The following DARS1 variants were observed in gnomAD, a reference collection of about 807,000 sequenced individuals.
The protein encoded by DARS1 is aspartate--tRNA ligase, cytoplasmic.
A neutral mutation model predicts 68.8 loss-of-function variants in DARS1; 51 were observed. The ratio of observed to expected loss-of-function variants is 0.74; its 90% confidence interval spans 0.59 to 0.94. The LOEUF (loss-of-function observed/expected upper bound fraction) is 0.94, where lower values mean the gene tolerates loss of function less well. Among genes scored for constraint, DARS1 ranks in the 40% least tolerant of loss-of-function variants. The pLI, the probability that DARS1 is intolerant of heterozygous loss-of-function variation, is 0.00. For synonymous variants in DARS1, 203 were observed against 190.4 expected (o/e 1.07, Z -0.55); for missense variants, 607 against 597.3 (o/e 1.02, Z -0.17).
At chr2:135,961,714 A>G (rs1682105916) in intron 3 of DARS1, among the ~76,000 whole-genome samples, 1 of 152,248 alleles carries the variant, frequency 6.6e-6, no homozygotes, top group African/African-American at 2.4e-5. Context: ...ATGAGTAACA[A>G]GAAATGCTTT....
chr2:135,933,028 G>T (rs550117727), intron 6 of DARS1, among the ~76,000 whole-genome samples, 186 bp from the exon 7 acceptor site: 1 of 152,270 alleles, frequency 6.6e-6, no homozygotes, highest in South Asian at 2.1e-4. Context: ...CGTTAAAAGA[G>T]AGATGGAAAG....
intron 11 of DARS1, among the ~76,000 whole-genome samples, chr2:135,915,608 A>G (rs1680989124): frequency 6.6e-6 from 1 of 152,128 alleles, no homozygotes; most frequent in African/African-American, 2.4e-5. Flanking sequence ...TAAACTACAT[A>G]ATTTGTTTCA....
chr2:135,945,714 C>T (rs1045096780), intron 4 of DARS1, among the ~76,000 whole-genome samples: 4 of 152,134 alleles, frequency 2.6e-5, no homozygotes, highest in African/African-American at 4.8e-5. Flanking sequence ...GTTTCCAGGA[C>T]GAAACAACTT....
chr2:135,971,017 A>G (rs576934369), intron 3 of DARS1, among the ~76,000 whole-genome samples: 1 of 152,280 alleles, frequency 6.6e-6, no homozygotes, highest in Admixed American at 6.5e-5. Flanking sequence ...TCTACTAAAC[A>G]TTTAAAGGAC....
intron 10 of DARS1, among the ~76,000 whole-genome samples, chr2:135,917,159 A>AAAAAAAAAAAAAAG (rs1420722399): frequency 1.3e-5 from 2 of 151,846 alleles, no homozygotes; most frequent in African/African-American, 4.8e-5. Context: ...GACTCGTCTC[A>AAAAAAAAAAAAAAG]AAAAAAAGAA....
At position 135,985,572 on chromosome 2, in the gene DARS1, T is replaced by TGG; in HGVS notation, c.-106_-105dup. ...CTCCCAGTCTCCGCCCTCCCGACCC[T>TGG]GGGGTCTCAGCACACGCGCTCGGAC... On this transcript the variant is annotated 5_prime_UTR_variant, in exon 1 of 16. Transcript: ENST00000264161. 1.9e-6 allele frequency: 3 copies of TGG among 1,587,756 alleles called. No individual in the cohort carries two copies. Among genetic ancestry groups the TGG allele is most frequent in the Non-Finnish European group, 2.6e-6 (3 of 1,166,912 alleles).
intron 7 of DARS1, among the ~76,000 whole-genome samples, chr2:135,928,377 A>C (rs1234394503): frequency 6.6e-6 from 1 of 152,178 alleles, no homozygotes; most frequent in Non-Finnish European, 1.5e-5. Flanking sequence ...TATTTTAAAA[A>C]ATCAGATTTA....
At chr2:135,932,635 T>C (rs1189732375) in intron 7 of DARS1, 148 bp downstream of exon 7, 3 of 520,196 alleles carry the variant, frequency 5.8e-6, no homozygotes, top group Non-Finnish European at 1.0e-5. Flanking sequence ...AGGGGAAGGG[T>C]CAGTCAGAAA....
chr2:135,951,593 G>C (rs560458336), intron 4 of DARS1, among the ~76,000 whole-genome samples: 1 of 152,324 alleles, frequency 6.6e-6, no homozygotes, highest in African/African-American at 2.4e-5. Flanking sequence ...TGAGTATAAT[G>C]AGAATTTTGC....
At chr2:135,947,835 A>C (rs1681760262) in intron 4 of DARS1, among the ~76,000 whole-genome samples, 2 of 152,060 alleles carry the variant, frequency 1.3e-5, no homozygotes, top group East Asian at 1.9e-4. Flanking sequence ...AAAAAAAAAA[A>C]ACAAAAAAAC....
intron 4 of DARS1, among the ~76,000 whole-genome samples, chr2:135,949,428 T>TC (rs1558790728): frequency 6.6e-6 from 1 of 152,002 alleles, no homozygotes; most frequent in African/African-American, 2.4e-5. Context: ...TACAAAAAAA[T>TC]TTTTTTTAAA....
intron 2 of DARS1, 50 bp from the exon 3 acceptor site, chr2:135,979,416 A>G (rs745334073): frequency 1.2e-6 from 1 of 833,934 alleles, no homozygotes; most frequent in East Asian, 2.5e-5. Context: ...TTTTAAATTC[A>G]GAATTTACAA....
At chr2:135,911,015 A>C in intron 15 of DARS1, 124 bp downstream of exon 15, 2 of 591,746 alleles carry the variant, frequency 3.4e-6, no homozygotes, top group Non-Finnish European at 3.0e-6. Context: ...TTAGCTGTTT[A>C]TTTTGTTTCT....
intron 5 of DARS1, among the ~76,000 whole-genome samples, chr2:135,942,886 C>T (rs1378898328): frequency 6.6e-6 from 1 of 152,162 alleles, no homozygotes; most frequent in Non-Finnish European, 1.5e-5. Context: ...GCTTTTCCTC[C>T]CATCAAGGGC....
chr2:135,955,906 G>A (rs920098613), intron 4 of DARS1, among the ~76,000 whole-genome samples: 10 of 151,982 alleles, frequency 6.6e-5, no homozygotes, highest in African/African-American at 2.4e-4. Context: ...TGATCTGCCT[G>A]CTTTGGCTTC....
intron 11 of DARS1, chr2:135,914,980 G>C (rs1398874158): frequency 6.6e-6 from 1 of 152,192 alleles, no homozygotes; most frequent in East Asian, 1.9e-4. Flanking sequence ...AGCTACTTCA[G>C]CTTCTATCTT....
intron 3 of DARS1, among the ~76,000 whole-genome samples, chr2:135,967,907 A>C (rs1682272399): frequency 6.6e-6 from 1 of 152,182 alleles, no homozygotes; most frequent in Non-Finnish European, 1.5e-5. Context: ...AGATATAGGA[A>C]GAAGAGGGTA....
intron 11 of DARS1, 149 bp downstream of exon 11, chr2:135,916,077 C>A: frequency 6.7e-6 from 3 of 449,116 alleles, no homozygotes; most frequent in East Asian, 3.3e-5. Flanking sequence ...ACCAAATTAC[C>A]AAGGTTTTAA....
chr2:135,925,713 A>AT (rs1306207822), intron 7 of DARS1, among the ~76,000 whole-genome samples: 1 of 152,192 alleles, frequency 6.6e-6, no homozygotes, highest in Admixed American at 6.5e-5. Flanking sequence ...AGATGTCTAC[A>AT]TTTAAACTAT....
Sources: gnomAD v4.1 joint callset for allele counts (sites outside exome capture counted in the v4.1 genomes callset) on GRCh38, gnomAD v4.1.1 for gene constraint, MANE v1.5 for transcripts, NCBI Gene and HGNC (gene_info 2026-07-23, HGNC 2026-07-21) for gene names.